Variants in TPTE2 observed in about 807,000 individuals in gnomAD.
TPTE2 encodes transmembrane phosphoinositide 3-phosphatase and tensin homolog 2.
In TPTE2, 53 loss-of-function variants were observed where a neutral mutation model predicts 78.6. The ratio of observed to expected loss-of-function variants is 0.67; its 90% CI spans 0.54 to 0.85. The LOEUF (loss-of-function observed/expected upper bound fraction) is 0.85, where lower values mean the gene tolerates loss of function less well. TPTE2 is among the 40% of genes least tolerant of loss of function. The pLI is 0.00. For missense variants in TPTE2, 461 were observed against 623.0 expected, an observed-to-expected ratio of 0.74 and a Z score of 2.77; for synonymous variants, 175 against 206.2, an observed-to-expected ratio of 0.85 and a Z score of 1.30.
At chr13:19,506,233 G>A (rs1207694852), upstream of TPTE2, among the ~76,000 whole-genome samples, 3 of 122,550 alleles carry the variant, frequency 2.4e-5, no homozygotes, top group South Asian at 5.9e-4. Flanking sequence ...GTGCAGTGGC[G>A]GGATCTCGGC....
At chr13:19,513,504 T>C (rs1256514309) in intron 1 of TPTE2, among the ~76,000 whole-genome samples, 1 of 152,210 alleles carries the variant, frequency 6.6e-6, no homozygotes, top group East Asian at 1.9e-4. Flanking sequence ...CTGATGTCAA[T>C]TCATTGGGGT....
intron 1 of TPTE2, among the ~76,000 whole-genome samples, chr13:19,497,730 G>C (rs1312989627): frequency 6.6e-6 from 1 of 150,682 alleles, no homozygotes; most frequent in Admixed American, 6.6e-5. Flanking sequence ...GGAAACTCTA[G>C]AAAGCAGAGC....
the TPTE2 span, chr13:19,560,239 TC>T: frequency 1.1e-6 from 1 of 885,442 alleles, no homozygotes; most frequent in Non-Finnish European, 1.8e-6. Context: ...TGGCAGCTGC[TC>T]CACAGCCTCG....
chr13:19,442,864 TA>T (rs1214747745), intron 13 of TPTE2, among the ~76,000 whole-genome samples: 1 of 152,128 alleles, frequency 6.6e-6, no homozygotes, highest in Non-Finnish European at 1.5e-5. Flanking sequence ...AATAAAATTA[TA>T]AAAACATTCT....
intron 10 of TPTE2, among the ~76,000 whole-genome samples, chr13:19,461,970 A>T (rs182231351): frequency 7.0e-6 from 1 of 142,046 alleles, no homozygotes. Flanking sequence ...AGCCAACTCT[A>T]TATCTTTTAA....
chr13:19,445,223 CA>C (rs1877748510), intron 13 of TPTE2, among the ~76,000 whole-genome samples: 1 of 151,886 alleles, frequency 6.6e-6, no homozygotes, highest in Non-Finnish European at 1.5e-5. Flanking sequence ...GAATTGAAAT[CA>C]GAATACATAA....
At chr13:19,429,501 T>A (rs949138491) in intron 17 of TPTE2, among the ~76,000 whole-genome samples, 1 of 152,218 alleles carries the variant, frequency 6.6e-6, no homozygotes, top group African/African-American at 2.4e-5. Context: ...GTGGAAACTG[T>A]TCATGTTGTA....
intron 1 of TPTE2, among the ~76,000 whole-genome samples, chr13:19,516,458 C>T (rs1463305521): frequency 1.3e-5 from 2 of 152,190 alleles, no homozygotes; most frequent in African/African-American, 4.8e-5. Flanking sequence ...CACCACCATA[C>T]ACCTTTATCC....
intron 3 of TPTE2, among the ~76,000 whole-genome samples, chr13:19,490,889 G>C (rs1880950351): frequency 6.6e-6 from 1 of 152,162 alleles, no homozygotes; most frequent in Non-Finnish European, 1.5e-5. Context: ...CACTCTAGTA[G>C]AGTGTCATAC....
Position 19,462,637 on chromosome 13 carries a change from G to A in TPTE2, c.741+1819C>T, listed in dbSNP as rs144712591. Among the ~76,000 whole-genome samples the A allele has an allele frequency of 6.5e-3, 980 of 151,546 alleles. 13 individuals carry two copies. The highest frequency in any genetic ancestry group is 0.023 in the African/African-American group (955 of 41,286). Reference sequence around the variant, plus strand: ...GGCCCACTGCAACCTCCACCTCCTGGGTTTAAGCAATTCTCGTGATTTAGC... The same window carrying A: ...GGCCCACTGCAACCTCCACCTCCTGAGTTTAAGCAATTCTCGTGATTTAGC... On this transcript the variant is annotated intron_variant, in intron 10 of 19. Transcript: ENST00000400230.
At chr13:19,432,513 C>A in exon 16 of TPTE2, 2 of 1,607,222 alleles carry the variant, frequency 1.2e-6, no homozygotes, top group South Asian at 1.1e-5. Context: ...TAAAGAGTAT[C>A]CGTCTTGGAG....
At chr13:19,432,985 C>A (rs1436234772) in intron 15 of TPTE2, among the ~76,000 whole-genome samples, 1 of 152,166 alleles carries the variant, frequency 6.6e-6, no homozygotes, top group African/African-American at 2.4e-5. Context: ...AGTGAAAACT[C>A]CAGAGGAATA....
At chr13:19,428,281 T>G (rs1876296963) in intron 17 of TPTE2, among the ~76,000 whole-genome samples, 2 of 151,976 alleles carry the variant, frequency 1.3e-5, no homozygotes, top group Non-Finnish European at 2.9e-5. Flanking sequence ...AAACCCCGTC[T>G]CTACTAATAA....
intron 10 of TPTE2, among the ~76,000 whole-genome samples, chr13:19,459,394 T>A (rs1217714939): frequency 6.6e-6 from 1 of 152,172 alleles, no homozygotes; most frequent in Non-Finnish European, 1.5e-5. Context: ...GATACTGACC[T>A]GTAGCCAGCC....
chr13:19,556,153 G>C, the TPTE2 span, among the ~76,000 whole-genome samples: 1 of 152,012 alleles, frequency 6.6e-6, no homozygotes, highest in African/African-American at 2.4e-5. Context: ...ATTTGAGCTG[G>C]GGAGAGGCGA....
chr13:19,426,620 T>A, intron 17 of TPTE2, 103 bp from the exon 21 acceptor site: 1 of 666,808 alleles, frequency 1.5e-6, no homozygotes, highest in South Asian at 1.8e-5. Flanking sequence ...GTACTTTTGC[T>A]CTCACAGCCC....
At chr13:19,503,116 G>T in intron 1 of TPTE2, 108 bp downstream of exon 4, 1 of 1,467,540 alleles carries the variant, frequency 6.8e-7, no homozygotes, top group South Asian at 1.2e-5. Context: ...TGTATGGATG[G>T]ATGCATGGAT....
intron 1 of TPTE2, among the ~76,000 whole-genome samples, chr13:19,530,333 C>T (rs1319584107): frequency 6.6e-6 from 1 of 152,090 alleles, no homozygotes; most frequent in Admixed American, 6.6e-5. Flanking sequence ...GTGGTGGCTA[C>T]GAAGATGACG....
intron 3 of TPTE2, among the ~76,000 whole-genome samples, chr13:19,489,250 G>A (rs1880837726): frequency 6.6e-6 from 1 of 152,260 alleles, no homozygotes; most frequent in Non-Finnish European, 1.5e-5. Flanking sequence ...TTATTAAAAT[G>A]TGACAGAGAC....
Sources: allele counts gnomAD v4.1 joint callset (sites outside exome capture counted in the v4.1 genomes callset), GRCh38; gene constraint gnomAD v4.1.1; transcripts MANE v1.5; gene names NCBI Gene and HGNC (gene_info 2026-07-23, HGNC 2026-07-21).